The following LPAR5 variants were observed in gnomAD, a reference collection of about 807,000 sequenced individuals.
LPAR5 encodes the protein lysophosphatidic acid receptor 5, also known as G protein-coupled receptor 92.
For missense variants in LPAR5, 544 were observed against 521.8 expected, an observed-to-expected ratio of 1.04 and a Z score of -0.41; for synonymous variants, 271 against 261.6, an observed-to-expected ratio of 1.04 and a Z score of -0.35.
intron 1 of LPAR5, among the ~76,000 whole-genome samples, chr12:6,628,147 G>A (rs944169110): frequency 3.3e-5 from 5 of 149,258 alleles, no homozygotes; most frequent in African/African-American, 9.9e-5. Context: ...TCAGCCTCCC[G>A]AGTAGCTGGG....
intron 1 of LPAR5, among the ~76,000 whole-genome samples, chr12:6,631,919 C>T (rs948658684): frequency 4.6e-5 from 7 of 152,182 alleles, no homozygotes; most frequent in African/African-American, 7.2e-5. Context: ...CCCACCTCCC[C>T]GCAAACACCA....
chr12:6,625,152 G>A (rs1055187781), intron 1 of LPAR5, among the ~76,000 whole-genome samples: 3 of 152,130 alleles, frequency 2.0e-5, no homozygotes, highest in Non-Finnish European at 2.9e-5. Context: ...TAGGCCGGGC[G>A]TGGTGGTTCA....
At chr12:6,623,896 G>T (rs1948913654) in intron 1 of LPAR5, among the ~76,000 whole-genome samples, 1 of 151,852 alleles carries the variant, frequency 6.6e-6, no homozygotes, top group African/African-American at 2.4e-5. Flanking sequence ...GGAGGCGGAG[G>T]TTGCAGTGAG....
intron 1 of LPAR5, among the ~76,000 whole-genome samples, chr12:6,622,096 C>T (rs1262355720): frequency 1.3e-5 from 2 of 151,526 alleles, no homozygotes; most frequent in Non-Finnish European, 2.9e-5. Context: ...CCATTGCACT[C>T]CAGCCTGGAC....
At chr12:6,623,274 CTG>C (rs1297219766) in intron 1 of LPAR5, among the ~76,000 whole-genome samples, 6 of 150,734 alleles carry the variant, frequency 4.0e-5, no homozygotes, top group Non-Finnish European at 8.8e-5. Flanking sequence ...TACCTCATGC[CTG>C]TGATCTCAGC....
intron 1 of LPAR5, among the ~76,000 whole-genome samples, chr12:6,625,537 T>A (rs532026542): frequency 2.7e-5 from 4 of 149,812 alleles, no homozygotes; most frequent in Non-Finnish European, 5.9e-5. Flanking sequence ...CTGGCTAACA[T>A]GGTGAAACCT....
chr12:6,635,694 C>T (rs1005655599), intron 1 of LPAR5, among the ~76,000 whole-genome samples: 2 of 152,098 alleles, frequency 1.3e-5, no homozygotes, highest in African/African-American at 4.8e-5. Flanking sequence ...GGAGCACTCC[C>T]GAGGTGTAGC....
Position 6,620,112 on chromosome 12 carries a change from G to T in LPAR5, c.*18C>A. 1 of 1,613,706 alleles carries T rather than the reference G, an allele frequency of 6.2e-7. No individual in the cohort carries two copies. The highest frequency in any genetic ancestry group is 8.5e-7 in the Non-Finnish European group (1 of 1,179,892). On this transcript the variant is annotated 3_prime_UTR_variant, in exon 2 of 2. Coordinates refer to ENST00000329858, the MANE Select transcript of LPAR5 (RefSeq NM_020400.6). The surrounding 1 kb of genome is among the most constrained non-coding windows in gnomAD (Gnocchi z 6.8). ...AGGCGTTGGGAGTCGGGCACGGACA[G>T]CGCAATGGCATGTGTGTTCAGAGGG... is the stretch of plus-strand genomic sequence containing the variant.
chr12:6,625,499 A>G (rs1592299340), intron 1 of LPAR5, among the ~76,000 whole-genome samples: 1 of 150,372 alleles, frequency 6.7e-6, no homozygotes, highest in Admixed American at 6.6e-5. Flanking sequence ...AGGCGGGCGG[A>G]TCACAAGGTG....
At chr12:6,629,014 G>A (rs866564730) in intron 1 of LPAR5, among the ~76,000 whole-genome samples, 5 of 149,756 alleles carry the variant, frequency 3.3e-5, no homozygotes, top group African/African-American at 7.3e-5. Flanking sequence ...CAGGTAATCC[G>A]CCTGCCTTGG....
rs1425637094 is a variant in LPAR5 at position 6,620,510 on chromosome 12, A to G, written c.739T>C (p.Phe247Leu). 1.3e-6 allele frequency: 2 copies of G among 1,585,352 alleles called. No homozygotes were observed. The highest frequency in any genetic ancestry group is 4.6e-5 in the East Asian group (2 of 43,482). ...LANLVIFLLC[F>L]VPYNSTLAVY... ...GCCAGCGTGCTGTTGTAGGGCACGA[A>G]GCACAGCAGGAAGATGACGAGGTTA... The change falls in exon 2 of 2, where the codon TTC becomes CTC. Residue 247 changes from phenylalanine (F) to leucine (L), a missense_variant. By Grantham distance (22) the Phe-to-Leu change is conservative. Transcript: ENST00000329858. The surrounding 1 kb of genome is among the most constrained non-coding windows in gnomAD (Gnocchi z 6.8).
chr12:6,619,732 A>G lies in LPAR5; in HGVS notation c.*398T>C. On this transcript the variant is annotated 3_prime_UTR_variant, in exon 2 of 2. Coordinates refer to ENST00000329858, the MANE Select transcript of LPAR5 (RefSeq NM_020400.6). ...AACAGGCATCTCAGTAGCTTTGTCC[A>G]CCAAACCTGGTGCTCTTCAGCTCTC... 2.7e-6 allele frequency: 1 copy of G among 368,446 alleles called. No individual in the cohort carries two copies. The highest frequency in any genetic ancestry group is 5.3e-6 in the Non-Finnish European group (1 of 188,934). 22.8% of individuals were successfully genotyped at this position (368,446 alleles called of 1,614,324 possible). A position where few individuals can be genotyped will look rare whatever the true frequency, so the allele number is the denominator to read the frequency against.
chr12:6,629,671 CAA>C (rs374044341), intron 1 of LPAR5, among the ~76,000 whole-genome samples: 32 of 122,602 alleles, frequency 2.6e-4, no homozygotes, highest in Admixed American at 2.5e-4. Context: ...GAGACTCCGT[CAA>C]AAAAAAAAAA....
intron 1 of LPAR5, among the ~76,000 whole-genome samples, chr12:6,624,417 T>G (rs1034957276): frequency 6.6e-6 from 1 of 152,216 alleles, no homozygotes; most frequent in African/African-American, 2.4e-5. Flanking sequence ...AACTCTGCAG[T>G]CATTAAGCAG....
At chr12:6,629,919 G>A (rs1200720182) in intron 1 of LPAR5, among the ~76,000 whole-genome samples, 2 of 151,556 alleles carry the variant, frequency 1.3e-5, no homozygotes, top group Non-Finnish European at 2.9e-5. Flanking sequence ...AGCTACTCGG[G>A]AGGCTGAGGC....
At chr12:6,633,477 A>G (rs1213057616) in intron 1 of LPAR5, among the ~76,000 whole-genome samples, 2 of 151,662 alleles carry the variant, frequency 1.3e-5, no homozygotes, top group African/African-American at 4.8e-5. Flanking sequence ...CAGTGGTGCA[A>G]TCTCAGCTCA....
At position 6,621,226 on chromosome 12, in the gene LPAR5, G is replaced by T. The variant is rs151060687; in HGVS notation, c.23C>A (p.Thr8Asn). Residue 8 changes from threonine to asparagine, a missense_variant, in exon 2 of 2, where the codon ACC becomes AAC. Thr to Asn is a moderately conservative substitution (Grantham distance 65, BLOSUM62 0). Transcript: ENST00000329858. MLANSSSTNSSVLPCPDY... is the reference protein window; with the variant it reads MLANSSSNNSSVLPCPDY... Reference sequence around the variant, plus strand: ...AGGACACGGGAGAACAGAACTGTTGGTTGAGGAGCTGTTGGCTAACATCGT... The same window carrying T: ...AGGACACGGGAGAACAGAACTGTTGTTTGAGGAGCTGTTGGCTAACATCGT... The T allele has an allele frequency of 6.6e-7, 1 of 1,512,776 alleles. No individual in the cohort carries two copies. 93.7% of individuals were successfully genotyped at this position (1,512,776 alleles called of 1,614,324 possible).
Position 6,621,074 on chromosome 12 carries a change from C to T in LPAR5, c.175G>A (p.Val59Met), listed in dbSNP as rs757376713. The T allele has an allele frequency of 9.9e-5, 158 of 1,603,334 alleles. No homozygotes were observed. Among genetic ancestry groups the T allele is most frequent in the Non-Finnish European group, 1.3e-4 (150 of 1,173,898 alleles). Residue 59 changes from valine to methionine, a missense_variant, in exon 2 of 2, where the codon GTG (valine) becomes ATG (methionine). Coordinates refer to ENST00000329858, the MANE Select transcript of LPAR5 (RefSeq NM_020400.6). ...CTGGCCGCCAGGTTACACATGTACA[C>T]GCTCACCACCGAGTGCACGCGCAGC... is the stretch of plus-strand genomic sequence containing the variant. ...RALRVHSVVS[V>M]YMCNLAASDL...
Position 6,619,185 on chromosome 12 carries a change from C to T in LPAR5, c.*945G>A, listed in dbSNP as rs1948863917. 2 of 152,132 alleles carry T rather than the reference C, an allele frequency of 1.3e-5. No individual in the cohort carries two copies. The highest frequency in any genetic ancestry group is 4.8e-5 in the African/African-American group (2 of 41,414). 9.4% of individuals were successfully genotyped at this position (152,132 alleles called of 1,614,324 possible). On this transcript the variant is annotated 3_prime_UTR_variant, in exon 2 of 2. Coordinates refer to ENST00000329858, the MANE Select transcript of LPAR5 (RefSeq NM_020400.6). ...TTTAAAAATGTATTCGCTTTAATTT[C>T]TAGTATGGTAAGTATCAAAAGAACA...
Sources: allele counts gnomAD v4.1 joint callset (sites outside exome capture counted in the v4.1 genomes callset), GRCh38; gene constraint gnomAD v4.1.1; non-coding constraint Gnocchi (gnomAD v3.1); transcripts MANE v1.5; gene names NCBI Gene and HGNC (gene_info 2026-07-23, HGNC 2026-07-21).